The following CDH18 variants were observed in gnomAD, a reference collection of about 807,000 sequenced individuals.
CDH18 encodes cadherin-18.
Under a neutral mutation model 67.9 loss-of-function variants are expected in CDH18, and 31 were observed. The observed-to-expected ratio is 0.46, with a 90% CI of 0.34 to 0.62. CDH18 has a LOEUF of 0.62. CDH18 is among the 20% of genes least tolerant of loss of function. The probability of loss-of-function intolerance (pLI) is 0.01; values close to 1 mark genes in which losing one functional copy is unlikely to be tolerated. For synonymous variants in CDH18, 362 were observed against 347.2 expected, an observed-to-expected ratio of 1.04 and a Z score of -0.48; for missense variants, 890 against 975.5, an observed-to-expected ratio of 0.91 and a Z score of 1.17.
chr5:19,913,896 G>A (rs1791435435), intron 2 of CDH18, among the ~76,000 whole-genome samples: 1 of 152,066 alleles, frequency 6.6e-6, no homozygotes, highest in Non-Finnish European at 1.5e-5. Context: ...ACAGGGATGA[G>A]AAATAAAGCA....
At chr5:20,361,599 T>C (rs958698271) in intron 1 of CDH18, among the ~76,000 whole-genome samples, 2 of 152,062 alleles carry the variant, frequency 1.3e-5, no homozygotes, top group East Asian at 3.9e-4. Flanking sequence ...AACAGATAAC[T>C]AAAATGCCTT....
At chr5:20,526,636 C>G (rs1446305075) in intron 1 of CDH18, among the ~76,000 whole-genome samples, 1 of 152,010 alleles carries the variant, frequency 6.6e-6, no homozygotes, top group South Asian at 2.1e-4. Flanking sequence ...GGGCCCCCAG[C>G]AAACTGCAGC....
intron 2 of CDH18, among the ~76,000 whole-genome samples, chr5:20,047,124 G>T (rs1392808639): frequency 6.6e-6 from 1 of 151,848 alleles, no homozygotes; most frequent in Admixed American, 6.6e-5. Context: ...ATGTTGATGA[G>T]AATAATCAAC....
At chr5:19,897,596 A>AT in intron 2 of CDH18, among the ~76,000 whole-genome samples, 1 of 152,214 alleles carries the variant, frequency 6.6e-6, no homozygotes, top group South Asian at 2.1e-4. Context: ...AAGTACATAT[A>AT]TTTTTCCAAA....
intron 6 of CDH18, among the ~76,000 whole-genome samples, chr5:19,593,709 T>TCCTTCTTCC (rs70950076): frequency 9.0e-6 from 1 of 111,178 alleles, no homozygotes; most frequent in African/African-American, 4.6e-5. Context: ...CTCCTCCTCC[T>TCCTTCTTCC]TCTTCTTCTT....
intron 1 of CDH18, among the ~76,000 whole-genome samples, chr5:20,452,450 CT>C (rs1449990930): frequency 6.6e-6 from 1 of 152,092 alleles, no homozygotes; most frequent in Non-Finnish European, 1.5e-5. Flanking sequence ...AGATCACATT[CT>C]TTTCAGGAAC....
At chr5:20,276,692 A>G (rs1389303410) in intron 1 of CDH18, among the ~76,000 whole-genome samples, 1 of 152,186 alleles carries the variant, frequency 6.6e-6, no homozygotes, top group Non-Finnish European at 1.5e-5. Flanking sequence ...ACCACAAGGT[A>G]TAGAGCACTA....
At chr5:20,023,469 A>G (rs1051616106) in intron 2 of CDH18, among the ~76,000 whole-genome samples, 3 of 151,956 alleles carry the variant, frequency 2.0e-5, no homozygotes, top group African/African-American at 7.2e-5. Flanking sequence ...ACCATCCTGG[A>G]TAACATGGTG....
chr5:20,295,872 C>CTTTTTTTTT (rs35024141), intron 1 of CDH18, among the ~76,000 whole-genome samples: 15 of 109,980 alleles, frequency 1.4e-4, no homozygotes, highest in Admixed American at 2.2e-4. Context: ...TCTTTTTTTT[C>CTTTTTTTTT]TTTTTTTTTT....
At chr5:19,921,196 T>C (rs190870658) in intron 2 of CDH18, among the ~76,000 whole-genome samples, 3 of 152,224 alleles carry the variant, frequency 2.0e-5, no homozygotes, top group African/African-American at 4.8e-5. Flanking sequence ...AAATTAAAGA[T>C]TGATAAATCT....
intron 2 of CDH18, among the ~76,000 whole-genome samples, chr5:20,220,590 C>T (rs527291860): frequency 1.3e-5 from 2 of 151,994 alleles, no homozygotes; most frequent in African/African-American, 4.8e-5. Context: ...TAGTACTCCA[C>T]GAGCTCAGTC....
intron 5 of CDH18, among the ~76,000 whole-genome samples, chr5:19,717,664 A>G (rs1019473898): frequency 2.6e-5 from 4 of 152,112 alleles, no homozygotes; most frequent in Non-Finnish European, 5.9e-5. Context: ...ATAAACAACC[A>G]TCATCCCAGA....
chr5:19,609,102 C>A (rs898722267), intron 6 of CDH18, among the ~76,000 whole-genome samples: 1 of 151,892 alleles, frequency 6.6e-6, no homozygotes, highest in South Asian at 2.1e-4. Flanking sequence ...TTTTTAAAAA[C>A]TAGAATAGGA....
chr5:20,300,303 CGTGTGT>C lies in CDH18; in HGVS notation c.-579-44804_-579-44799del, dbSNP rs67689740. Among the ~76,000 whole-genome samples the C allele has an allele frequency of 7.1e-3, 1,046 of 148,140 alleles. 7 individuals carry two copies. Among genetic ancestry groups the C allele is most frequent in the Middle Eastern group, 0.021 (6 of 292 alleles). On this transcript the variant is annotated intron_variant, in intron 1 of 14. Coordinates refer to the CDH18 transcript ENST00000507958. Reference sequence around the variant, plus strand: ...CCACATAGATTAAGTTGTGTGTGTGCGTGTGTGTGTGTGTGTGTGTGTGTGTGTGTA... The same window carrying C: ...CCACATAGATTAAGTTGTGTGTGTGCGTGTGTGTGTGTGTGTGTGTGTGTA...
At chr5:20,231,987 TAATAA>T (rs1193482519) in intron 2 of CDH18, among the ~76,000 whole-genome samples, 1 of 151,872 alleles carries the variant, frequency 6.6e-6, no homozygotes, top group African/African-American at 2.4e-5. Flanking sequence ...TATACTAGCT[TAATAA>T]AATAAACACT....
At position 20,566,507 on chromosome 5, in the gene CDH18, G is replaced by A. The variant is rs373999499; in HGVS notation, c.-580+8955C>T. Among the ~76,000 whole-genome samples, 21 of 146,810 alleles carry A rather than the reference G, an allele frequency of 1.4e-4. 1 individual carries two copies. The South Asian group carries it at 1.9e-3, about 14-fold the overall frequency. On this transcript the variant is annotated intron_variant, in intron 1 of 14. Transcript: ENST00000507958. ...CCCAAGTAGCTGGGAATACAGGTTC[G>A]CGCCACCATGCCCAGCTAATTTTTT...
At chr5:19,631,783 A>G (rs1313923446) in intron 5 of CDH18, among the ~76,000 whole-genome samples, 2 of 152,162 alleles carry the variant, frequency 1.3e-5, no homozygotes, top group Non-Finnish European at 2.9e-5. Flanking sequence ...TGAACTATTT[A>G]AAAATATCTA....
At chr5:20,243,144 G>A (rs886797992) in intron 2 of CDH18, among the ~76,000 whole-genome samples, 2 of 152,078 alleles carry the variant, frequency 1.3e-5, no homozygotes, top group Admixed American at 6.5e-5. Flanking sequence ...CTTCCTGGGT[G>A]TAGTCTCTCT....
intron 1 of CDH18, among the ~76,000 whole-genome samples, chr5:20,507,701 A>G (rs1754741924): frequency 7.0e-6 from 1 of 142,702 alleles, no homozygotes; most frequent in Non-Finnish European, 1.6e-5. Context: ...TTTAAATCAC[A>G]TGTTATTATT....
Sources: gnomAD v4.1 joint callset for allele counts (sites outside exome capture counted in the v4.1 genomes callset) on GRCh38, gnomAD v4.1.1 for gene constraint, MANE v1.5 for transcripts, NCBI Gene and HGNC (gene_info 2026-07-23, HGNC 2026-07-21) for gene names.